AGAP1: variants seen among roughly 807,000 people sequenced by gnomAD.
The protein encoded by AGAP1 is arf-GAP with GTPase, ANK repeat and PH domain-containing protein 1.
In AGAP1, 29 loss-of-function variants were observed where a neutral mutation model predicts 105.3. The observed-to-expected ratio is 0.28, with a 90% CI of 0.21 to 0.38. The LOEUF (loss-of-function observed/expected upper bound fraction) is 0.38. AGAP1 is among the 10% of genes least tolerant of loss of function. The pLI is 1.00. For missense variants in AGAP1, 998 were observed against 1,165.1 expected (o/e 0.86, Z 2.09); for synonymous variants, 509 against 485.9 (o/e 1.05, Z -0.63).
intron 1 of AGAP1, among the ~76,000 whole-genome samples, chr2:235,645,602 T>A (rs998032109): frequency 4.0e-5 from 6 of 150,790 alleles, no homozygotes; most frequent in African/African-American, 1.5e-4. Flanking sequence ...ATTGCAGGGG[T>A]TTACGCCCCA....
Position 235,781,326 on chromosome 2 carries a change from C to T in AGAP1, c.674-16433C>T, listed in dbSNP as rs966294773. ...TGTCCAGGGGTTCGACATTCATATC[C>T]CTTGGATTCATTCCCTGGAAATGGA... On this transcript the variant is annotated intron_variant, in intron 6 of 17. Transcript: ENST00000304032. Among the ~76,000 whole-genome samples, 4 of 152,100 alleles carry T rather than the reference C, an allele frequency of 2.6e-5. No homozygotes were observed. In the South Asian group the frequency reaches 8.3e-4, roughly 32 times the overall value.
intron 12 of AGAP1, among the ~76,000 whole-genome samples, chr2:235,950,013 T>G (rs1452060993): frequency 1.3e-5 from 2 of 151,914 alleles, no homozygotes; most frequent in Non-Finnish European, 2.9e-5. Flanking sequence ...ACACCAAAAA[T>G]AGCAATGAAG....
chr2:235,582,077 G>A lies in AGAP1; in HGVS notation c.163+87228G>A, dbSNP rs1050959722. On this transcript the variant is annotated intron_variant, in intron 1 of 17. Transcript: ENST00000304032. This position sits in a 1 kb window ranked among gnomAD's most constrained non-coding sequence, Gnocchi z 4.7. ...AATGTTCCTTCCATCCAGGGAAGAC[G>A]TGATTGCAGCAGGCAGGAGTTGATA... is the stretch of plus-strand genomic sequence containing the variant. Among the ~76,000 whole-genome samples the A allele has an allele frequency of 1.3e-5, 2 of 152,196 alleles. No individual in the cohort carries two copies. The highest frequency in any genetic ancestry group is 2.4e-5 in the African/African-American group (1 of 41,450).
Position 235,517,766 on chromosome 2 carries a change from G to A in AGAP1, c.163+22917G>A, listed in dbSNP as rs1282433182. 2.6e-5 allele frequency among the ~76,000 whole-genome samples: 4 copies of A among 151,854 alleles called. No individual in the cohort carries two copies. The highest frequency in any genetic ancestry group is 7.3e-5 in the African/African-American group (3 of 41,364). ...AGCCTGGCCAACATGGTGAAACCCCGTTTCTACTAAAAATACAAAAATTAG... is the reference window on the plus strand; with the variant it reads ...AGCCTGGCCAACATGGTGAAACCCCATTTCTACTAAAAATACAAAAATTAG... On this transcript the variant is annotated intron_variant, in intron 1 of 17. Coordinates refer to ENST00000304032, the MANE Select transcript of AGAP1 (RefSeq NM_001037131.3). The surrounding 1 kb of genome is among the most constrained non-coding windows in gnomAD (Gnocchi z 4.1).
At position 235,552,161 on chromosome 2, in the gene AGAP1, G is replaced by C. The variant is rs943258313; in HGVS notation, c.163+57312G>C. Among the ~76,000 whole-genome samples the C allele has an allele frequency of 6.6e-6, 1 of 152,142 alleles. No individual in the cohort carries two copies. Among genetic ancestry groups the C allele is most frequent in the Non-Finnish European group, 1.5e-5 (1 of 68,034 alleles). Reference sequence around the variant, plus strand: ...GCAGGGAAGTGTTTGTTGTGTGCTTGGTGTTCATTGCCCCGTAACTCTGGC... The same window carrying C: ...GCAGGGAAGTGTTTGTTGTGTGCTTCGTGTTCATTGCCCCGTAACTCTGGC... On this transcript the variant is annotated intron_variant, in intron 1 of 17. Transcript: ENST00000304032. This position sits in a 1 kb window ranked among gnomAD's most constrained non-coding sequence, Gnocchi z 5.9.
chr2:235,776,849 T>C (rs947758925), intron 6 of AGAP1: 3 of 467,602 alleles, frequency 6.4e-6, no homozygotes, highest in Non-Finnish European at 1.3e-5. Context: ...CGGAGCCCCT[T>C]TTCCAAAATC....
At position 236,000,456 on chromosome 2, in the gene AGAP1, A is replaced by G. The variant is rs1050850028; in HGVS notation, c.1645+31833A>G. Among the ~76,000 whole-genome samples the G allele has an allele frequency of 1.3e-5, 2 of 152,176 alleles. No individual in the cohort carries two copies. Among genetic ancestry groups the G allele is most frequent in the African/African-American group, 4.8e-5 (2 of 41,446 alleles). The stretch of plus-strand genomic sequence containing the variant: ...TCAAATAATAAACAGTTGTTCAGAG[A>G]CAGTGGTACTGCGTCCCCCTCCTCC... On this transcript the variant is annotated intron_variant, in intron 13 of 17. Transcript: ENST00000304032. The surrounding 1 kb of genome is among the most constrained non-coding windows in gnomAD (Gnocchi z 4.3).
chr2:235,966,371 G>C (rs1030665304), intron 12 of AGAP1, among the ~76,000 whole-genome samples: 3 of 151,998 alleles, frequency 2.0e-5, no homozygotes, highest in Non-Finnish European at 2.9e-5. Context: ...GAGAGGGCGA[G>C]AAGGCCAGTA....
intron 5 of AGAP1, among the ~76,000 whole-genome samples, chr2:235,745,168 AT>A (rs1363522687): frequency 6.6e-6 from 1 of 152,134 alleles, no homozygotes; most frequent in Non-Finnish European, 1.5e-5. Flanking sequence ...ACATATATAT[AT>A]TTTCTGCTAT....
rs866923228 is a variant in AGAP1 at position 235,948,721 on chromosome 2, A to G, written c.1483+17798A>G. Among the ~76,000 whole-genome samples, 94 of 152,130 alleles carry G rather than the reference A, an allele frequency of 6.2e-4. 1 individual carries two copies. The highest frequency in any genetic ancestry group is 2.2e-3 in the African/African-American group (91 of 41,504). ...GGCGGGTGTTTGAGACTTGGAGGGG[A>G]CAGTGGGGGCACAGCAGCCAGGCAG... On this transcript the variant is annotated intron_variant, in intron 12 of 17. Coordinates refer to ENST00000304032, the MANE Select transcript of AGAP1 (RefSeq NM_001037131.3).
At chr2:235,826,612 G>GC (rs1959085503) in intron 9 of AGAP1, among the ~76,000 whole-genome samples, 1 of 152,024 alleles carries the variant, frequency 6.6e-6, no homozygotes, top group African/African-American at 2.4e-5. Flanking sequence ...ACCACACCCA[G>GC]CTAATTTTTG....
In AGAP1 at chr2:235,559,759, G is replaced by A. The variant is rs1944088498; in HGVS notation, c.163+64910G>A. On this transcript the variant is annotated intron_variant, in intron 1 of 17. Coordinates refer to ENST00000304032, the MANE Select transcript of AGAP1 (RefSeq NM_001037131.3). The surrounding 1 kb of genome is among the most constrained non-coding windows in gnomAD (Gnocchi z 5.7). ...TGTTGACCTTTTTTTTTTTAAATAT[G>A]CTTATCTTAAAGCATATTTATATAT... is the stretch of plus-strand genomic sequence containing the variant. Among the ~76,000 whole-genome samples the A allele has an allele frequency of 6.7e-6, 1 of 150,364 alleles. No homozygotes were observed. The highest frequency in any genetic ancestry group is 6.6e-5 in the Admixed American group (1 of 15,114).
Position 235,959,594 on chromosome 2 carries a change from T to C in AGAP1, c.1484-8868T>C, listed in dbSNP as rs1390962067. 1.3e-5 allele frequency among the ~76,000 whole-genome samples: 2 copies of C among 151,774 alleles called. No homozygotes were observed. Among genetic ancestry groups the C allele is most frequent in the Admixed American group, 1.3e-4 (2 of 15,238 alleles). On this transcript the variant is annotated intron_variant, in intron 12 of 17. Transcript: ENST00000304032. This position sits in a 1 kb window ranked among gnomAD's most constrained non-coding sequence, Gnocchi z 7.3. ...GTCCTCTCTGGTCGCTCCTCACTGG[T>C]CTTGAGTCCCAGGTGACACTTCCTG...
intron 10 of AGAP1, among the ~76,000 whole-genome samples, chr2:235,896,117 C>G (rs1269070380): frequency 6.6e-6 from 1 of 152,210 alleles, no homozygotes; most frequent in Non-Finnish European, 1.5e-5. Context: ...CCCCCCTCCA[C>G]TCAGCCCCTG....
intron 14 of AGAP1, among the ~76,000 whole-genome samples, chr2:236,039,069 T>C (rs945337798): frequency 2.0e-5 from 3 of 152,202 alleles, no homozygotes; most frequent in Non-Finnish European, 4.4e-5. Flanking sequence ...AAAATCAAGC[T>C]TATTGTAACT....
chr2:236,029,061 A>G (rs1036528695), intron 13 of AGAP1, among the ~76,000 whole-genome samples: 3 of 152,192 alleles, frequency 2.0e-5, no homozygotes, highest in Non-Finnish European at 4.4e-5. Context: ...GTAGAGCAGT[A>G]CAAGGCCCTA....
At chr2:235,794,942 AACTC>A (rs1339555751) in intron 6 of AGAP1, among the ~76,000 whole-genome samples, 5 of 152,222 alleles carry the variant, frequency 3.3e-5, no homozygotes, top group African/African-American at 1.2e-4. Flanking sequence ...TATAGACAAA[AACTC>A]AATGGTTATA....
rs2055193768 is a variant in AGAP1 at position 235,983,848 on chromosome 2, C to T, written c.1645+15225C>T. ...GATGGTCACACAATGACAAAATCGC[C>T]TAACGACACATTTCTCAGAATGCAT... On this transcript the variant is annotated intron_variant, in intron 13 of 17. Coordinates refer to ENST00000304032, the MANE Select transcript of AGAP1 (RefSeq NM_001037131.3). This position sits in a 1 kb window ranked among gnomAD's most constrained non-coding sequence, Gnocchi z 4.5. 6.6e-6 allele frequency among the ~76,000 whole-genome samples: 1 copy of T among 152,192 alleles called. No homozygotes were observed. The highest frequency in any genetic ancestry group is 2.4e-5 in the African/African-American group (1 of 41,440).
chr2:235,951,810 T>G lies in AGAP1; in HGVS notation c.1484-16652T>G, dbSNP rs2053751181. ...TCCCAGTCCCATCACACACAGGCAG[T>G]TTTTACACCAGCCAAACTTAGAGCT... On this transcript the variant is annotated intron_variant, in intron 12 of 17. Coordinates refer to ENST00000304032, the MANE Select transcript of AGAP1 (RefSeq NM_001037131.3). This position sits in a 1 kb window ranked among gnomAD's most constrained non-coding sequence, Gnocchi z 4.2. 6.6e-6 allele frequency among the ~76,000 whole-genome samples: 1 copy of G among 151,932 alleles called. No individual in the cohort carries two copies. The highest frequency in any genetic ancestry group is 1.5e-5 in the Non-Finnish European group (1 of 67,986).
Sources: gnomAD v4.1 joint callset for allele counts (sites outside exome capture counted in the v4.1 genomes callset) on GRCh38, gnomAD v4.1.1 for gene constraint, Gnocchi (gnomAD v3.1) non-coding constraint, MANE v1.5 for transcripts, NCBI Gene and HGNC (gene_info 2026-07-23, HGNC 2026-07-21) for gene names.